POLN: variants seen among roughly 807,000 people sequenced by gnomAD.
The protein encoded by POLN is DNA polymerase N.
POLN carries 108 observed loss-of-function variants against 113.5 expected under a neutral mutation model. That is an observed-to-expected ratio of 0.95 (90% CI 0.81 to 1.12). The LOEUF (loss-of-function observed/expected upper bound fraction) is 1.12. Ranked by LOEUF, POLN falls within the 50% of genes most tolerant of loss-of-function variation. The pLI is 0.00. For synonymous variants in POLN, 386 were observed against 391.5 expected (o/e 0.99, Z 0.17); for missense variants, 1,097 against 1,077.1 (o/e 1.02, Z -0.26).
chr4:2,240,922 C>T, intron 2 of POLN: 1 of 1,598,674 alleles, frequency 6.3e-7, no homozygotes, highest in East Asian at 2.2e-5. Context: ...TTTAATGTTT[C>T]CACAAACTCA....
rs956168743 is a variant in POLN, at chr4:2,072,956, G to A, written c.2517+12C>T. Reference sequence around the variant, plus strand: ...GCTCCGGAAGACCGGGCAGGCTTAAGTGTCCCCTCACCTGAAGCTGCAGCT... The same window carrying A: ...GCTCCGGAAGACCGGGCAGGCTTAAATGTCCCCTCACCTGAAGCTGCAGCT... On this transcript the variant is annotated intron_variant, in intron 25 of 25. Transcript: ENST00000511885. The A allele has an allele frequency of 6.2e-7, 1 of 1,612,672 alleles. No homozygotes were observed. Among genetic ancestry groups the A allele is most frequent in the African/African-American group, 1.3e-5 (1 of 74,908 alleles).
chr4:2,191,400 G>T (rs1225008490), intron 7 of POLN, among the ~76,000 whole-genome samples: 3 of 152,154 alleles, frequency 2.0e-5, no homozygotes, highest in Non-Finnish European at 4.4e-5. Flanking sequence ...TTAGGCAGAA[G>T]AAAGAAGACC....
intron 16 of POLN, chr4:2,139,644 T>A (rs1731947080): frequency 6.6e-6 from 1 of 152,204 alleles, no homozygotes; most frequent in Non-Finnish European, 1.5e-5. Context: ...GTATAAAGAT[T>A]TTAAAAGTTC....
intron 5 of POLN, among the ~76,000 whole-genome samples, chr4:2,206,752 A>G (rs1255363234): frequency 6.6e-6 from 1 of 152,206 alleles, no homozygotes; most frequent in Admixed American, 6.5e-5. Flanking sequence ...AAAATAATAG[A>G]TATTGGCATG....
rs926961306 is a variant in POLN, at chr4:2,093,539, G to A, written c.2065+2312C>T. On this transcript the variant is annotated intron_variant, in intron 20 of 25. Coordinates refer to ENST00000511885, the MANE Select transcript of POLN (RefSeq NM_181808.4). This position sits in a 1 kb window ranked among gnomAD's most constrained non-coding sequence, Gnocchi z 4.1. ...TTGGGGATCAAGCCCAGGCTGCCGG[G>A]CCCAGGACTGGGGAGGTGATGTCCT... Among the ~76,000 whole-genome samples, 3 of 152,234 alleles carry A rather than the reference G, an allele frequency of 2.0e-5. No homozygotes were observed. The highest frequency in any genetic ancestry group is 4.4e-5 in the Non-Finnish European group (3 of 68,042).
chr4:2,230,444 C>G (rs796696731), intron 2 of POLN: 1 of 151,488 alleles, frequency 6.6e-6, no homozygotes, highest in African/African-American at 2.4e-5. Flanking sequence ...TTCTCTATTC[C>G]GAAATAGAAT....
Position 2,241,581 on chromosome 4 carries a change from C to T in POLN, c.-74G>A. ...TCCACCACCGCGACGCGGAGAACAG[C>T]AGGAGCAGCAGGGAAGCGCGCGGCC... On this transcript the variant is annotated 5_prime_UTR_variant, in exon 2 of 26. Transcript: ENST00000511885. The T allele has an allele frequency of 2.0e-6, 2 of 985,750 alleles. No homozygotes were observed. Among genetic ancestry groups the T allele is most frequent in the Non-Finnish European group, 2.4e-6 (2 of 830,166 alleles). 61.1% of individuals were successfully genotyped at this position (985,750 alleles called of 1,614,324 possible).
intron 7 of POLN, among the ~76,000 whole-genome samples, chr4:2,184,711 C>A (rs1464579748): frequency 1.3e-5 from 2 of 152,134 alleles, no homozygotes; most frequent in South Asian, 2.1e-4. Context: ...AATTTCAGGT[C>A]TAGAGCAGGA....
Position 2,192,697 on chromosome 4 carries a change from G to A in POLN, c.1021+507C>T, listed in dbSNP as rs117196986. On this transcript the variant is annotated intron_variant, in intron 7 of 25. Transcript: ENST00000511885. Reference sequence around the variant, plus strand: ...ACTTTACTATTTTAGGCCCGGTGCAGTGGCTCACGCCTATAATCCCAGCAC... The same window carrying A: ...ACTTTACTATTTTAGGCCCGGTGCAATGGCTCACGCCTATAATCCCAGCAC... 3.5e-3 allele frequency among the ~76,000 whole-genome samples: 528 copies of A among 152,122 alleles called. 7 individuals are homozygous for A. Among genetic ancestry groups the A allele is most frequent in the East Asian group, 0.026 (134 of 5,146 alleles).
At chr4:2,157,722 CAAAAAAAAAAAAA>C (rs71644319) in intron 15 of POLN, 123 bp downstream of exon 15, 2 of 134,688 alleles carry the variant, frequency 1.5e-5, no homozygotes, top group Non-Finnish European at 2.6e-5. Context: ...GACTCTGTCT[CAAAAAAAAAAAAA>C]AAAAAAAAAA....
At chr4:2,086,675 G>T (rs7658586) in intron 20 of POLN, among the ~76,000 whole-genome samples, 16,743 of 152,096 alleles carry the variant, frequency 0.11, 3,111 homozygotes, top group African/African-American at 0.38. Context: ...GCTCGACAGT[G>T]GGATCCTAGG....
At chr4:2,199,892 T>C (rs1169223396) in intron 5 of POLN, among the ~76,000 whole-genome samples, 2 of 152,138 alleles carry the variant, frequency 1.3e-5, no homozygotes, top group Non-Finnish European at 2.9e-5. Context: ...TTGAGTAATA[T>C]TATGAAACTA....
chr4:2,093,106 A>T lies in POLN; in HGVS notation c.2065+2745T>A, dbSNP rs2108698062. 6.6e-6 allele frequency among the ~76,000 whole-genome samples: 1 copy of T among 152,322 alleles called. No individual in the cohort carries two copies. The highest frequency in any genetic ancestry group is 2.4e-5 in the African/African-American group (1 of 41,570). On this transcript the variant is annotated intron_variant, in intron 20 of 25. Transcript: ENST00000511885. This position sits in a 1 kb window ranked among gnomAD's most constrained non-coding sequence, Gnocchi z 4.1. ...GCTCTTTTCCTCTCCAGAAAAAAAA[A>T]AAAAGTGAATACTCCAGAAGGAGCC...
chr4:2,101,162 A>G (rs1202536214), intron 19 of POLN, among the ~76,000 whole-genome samples: 1 of 152,186 alleles, frequency 6.6e-6, no homozygotes, highest in African/African-American at 2.4e-5. Context: ...AAAAAAAATC[A>G]AAACTGAAAT....
intron 19 of POLN, among the ~76,000 whole-genome samples, chr4:2,120,291 T>C (rs1490723894): frequency 6.6e-6 from 1 of 152,224 alleles, no homozygotes; most frequent in Non-Finnish European, 1.5e-5. Flanking sequence ...AAAAACCTTG[T>C]TTGGGTTTTA....
Position 2,072,052 on chromosome 4 carries a change from T to C in POLN, c.*62A>G, listed in dbSNP as rs1454922968. ...CCTGGGGCGTACAGAGCTGGTGACC[T>C]TGGGGAAGGCCACACAATGGACTGC... On this transcript the variant is annotated 3_prime_UTR_variant, in exon 26 of 26. Coordinates refer to ENST00000511885, the MANE Select transcript of POLN (RefSeq NM_181808.4). 8 of 1,579,634 alleles carry C rather than the reference T, an allele frequency of 5.1e-6. No homozygotes were observed. Among genetic ancestry groups the C allele is most frequent in the South Asian group, 3.3e-5 (3 of 90,268 alleles).
intron 16 of POLN, among the ~76,000 whole-genome samples, chr4:2,155,904 G>A (rs971299532): frequency 1.3e-4 from 20 of 151,598 alleles, no homozygotes; most frequent in African/African-American, 4.9e-4. Context: ...GCGTTATCTC[G>A]GCTCACTGCA....
At chr4:2,184,996 T>C (rs1194709152) in intron 7 of POLN, among the ~76,000 whole-genome samples, 2 of 152,224 alleles carry the variant, frequency 1.3e-5, no homozygotes, top group African/African-American at 2.4e-5. Context: ...GGCTTTTCTA[T>C]ATGAAGTGTA....
chr4:2,153,995 A>G (rs1026319722), intron 16 of POLN, among the ~76,000 whole-genome samples: 5 of 151,564 alleles, frequency 3.3e-5, no homozygotes, highest in African/African-American at 1.2e-4. Flanking sequence ...CAGGAGATTG[A>G]GACCATCCTG....
Sources: gnomAD v4.1 joint callset for allele counts (sites outside exome capture counted in the v4.1 genomes callset) on GRCh38, gnomAD v4.1.1 for gene constraint, Gnocchi (gnomAD v3.1) non-coding constraint, MANE v1.5 for transcripts, NCBI Gene and HGNC (gene_info 2026-07-23, HGNC 2026-07-21) for gene names.